MEIKIN: variants seen among roughly 807,000 people sequenced by gnomAD.
The protein encoded by MEIKIN is meiotic kinetochore factor, also known as meiosis-specific kinetochore protein.
At position 131,828,121 on chromosome 5, in the gene MEIKIN, A is replaced by C. The variant is rs182409899; in HGVS notation, c.976-9258T>G. On this transcript the variant is annotated intron_variant, in intron 11 of 12. Transcript: ENST00000442687. ...AGAGAACAAAAAAGAGCTCCTATAC[A>C]TTAAAAATATTATTGCATAGTACAA... Among the ~76,000 whole-genome samples, 158 of 152,260 alleles carry C rather than the reference A, an allele frequency of 1.0e-3. 1 individual carries two copies. The highest frequency in any genetic ancestry group is 3.6e-3 in the African/African-American group (151 of 41,550).
At chr5:131,914,115 T>C (rs1751372261) in intron 7 of MEIKIN, among the ~76,000 whole-genome samples, 1 of 152,196 alleles carries the variant, frequency 6.6e-6, no homozygotes, top group African/African-American at 2.4e-5. Flanking sequence ...GTCCCTTTGC[T>C]ATGTGATGCC....
At chr5:131,874,526 C>T (rs914775591) in intron 9 of MEIKIN, among the ~76,000 whole-genome samples, 2 of 152,100 alleles carry the variant, frequency 1.3e-5, no homozygotes, top group Non-Finnish European at 2.9e-5. Context: ...CGAAAAAAGT[C>T]CAGGACCAGA....
intron 11 of MEIKIN, among the ~76,000 whole-genome samples, chr5:131,839,881 T>C (rs1215260561): frequency 6.6e-6 from 1 of 152,212 alleles, no homozygotes; most frequent in Non-Finnish European, 1.5e-5. Context: ...ATGGATTTGA[T>C]CCTGTCATCA....
chr5:131,940,378 C>T (rs1206602830), intron 4 of MEIKIN, among the ~76,000 whole-genome samples: 2 of 152,088 alleles, frequency 1.3e-5, no homozygotes, highest in African/African-American at 2.4e-5. Context: ...TTAGACTCCT[C>T]GGTTAAGTTT....
intron 11 of MEIKIN, among the ~76,000 whole-genome samples, chr5:131,848,002 C>T (rs140509401): frequency 2.8e-4 from 42 of 152,158 alleles, no homozygotes; most frequent in African/African-American, 9.4e-4. Flanking sequence ...CACAACATAA[C>T]CAAACTTACG....
chr5:131,871,070 G>C (rs1750483196), intron 9 of MEIKIN, among the ~76,000 whole-genome samples: 1 of 152,212 alleles, frequency 6.6e-6, no homozygotes, highest in Non-Finnish European at 1.5e-5. Context: ...CTCCCAGCAT[G>C]AGCGACGCAG....
At chr5:131,858,064 G>C (rs763324913) in intron 9 of MEIKIN, among the ~76,000 whole-genome samples, 1 of 152,192 alleles carries the variant, frequency 6.6e-6, no homozygotes, top group Non-Finnish European at 1.5e-5. Flanking sequence ...ACAGTGCTGT[G>C]GCCAGCAGAG....
At chr5:131,932,071 GA>G (rs1033167492) in intron 5 of MEIKIN, among the ~76,000 whole-genome samples, 1 of 152,104 alleles carries the variant, frequency 6.6e-6, no homozygotes, top group African/African-American at 2.4e-5. Flanking sequence ...CTCAGTTCCT[GA>G]GAAAATAATC....
At chr5:131,892,569 G>T (rs1028992812) in intron 8 of MEIKIN, among the ~76,000 whole-genome samples, 1 of 152,118 alleles carries the variant, frequency 6.6e-6, no homozygotes. Flanking sequence ...GCTCCATCAG[G>T]TCTTTTAAGG....
chr5:131,872,620 A>G (rs539926767), intron 9 of MEIKIN, among the ~76,000 whole-genome samples: 2 of 152,346 alleles, frequency 1.3e-5, no homozygotes, highest in East Asian at 1.9e-4. Flanking sequence ...AAGGCAGGCC[A>G]ACATTCACAT....
At position 131,923,931 on chromosome 5, in the gene MEIKIN, C is replaced by T. The variant is rs942424921; in HGVS notation, c.479-1990G>A. ...AGTGTTCTATAGCAGCTCTCTAGAG[C>T]TCACTCCTACATGTGTAAGTGAAAC... On this transcript the variant is annotated intron_variant, in intron 5 of 12. Coordinates refer to ENST00000442687, the MANE Select transcript of MEIKIN (RefSeq NM_001303622.2). Among the ~76,000 whole-genome samples the T allele has an allele frequency of 2.6e-5, 4 of 152,134 alleles. No individual in the cohort carries two copies. In the East Asian group the frequency reaches 7.7e-4, roughly 29 times the overall value.
intron 8 of MEIKIN, among the ~76,000 whole-genome samples, chr5:131,901,183 A>G (rs1414442535): frequency 2.6e-5 from 4 of 152,106 alleles, no homozygotes; most frequent in Non-Finnish European, 5.9e-5. Context: ...GCACGCACAG[A>G]TGGCGTCAGT....
chr5:131,879,043 C>T lies in MEIKIN; in HGVS notation c.709G>A (p.Ala237Thr). The T allele has an allele frequency of 2.5e-6, 1 of 398,504 alleles. No individual in the cohort carries two copies. Among genetic ancestry groups the T allele is most frequent in the Non-Finnish European group, 4.4e-6 (1 of 225,824 alleles). 24.7% of individuals were successfully genotyped at this position (398,504 alleles called of 1,614,324 possible). The change falls in exon 9 of 13, where the codon GCA (alanine) becomes ACA (threonine). Residue 237 changes from alanine to threonine, a missense_variant. Transcript: ENST00000442687. The stretch of plus-strand genomic sequence containing the variant: ...TCAGCAAGTAAAATCTCACAAGCTG[C>T]ATTATCTATAAATAAAAACATAGTT... ...KCASNSESDN[A>T]ACEILLAEKT...
chr5:131,875,733 G>A (rs967851416), intron 9 of MEIKIN, among the ~76,000 whole-genome samples: 1 of 152,138 alleles, frequency 6.6e-6, no homozygotes, highest in African/African-American at 2.4e-5. Flanking sequence ...CATGCTACCT[G>A]ATTTCAAACT....
At position 131,919,861 on chromosome 5, in the gene MEIKIN, G is replaced by A. The variant is rs115460704; in HGVS notation, c.598+1961C>T. Among the ~76,000 whole-genome samples, 233 of 152,192 alleles carry A rather than the reference G, an allele frequency of 1.5e-3. 1 individual carries two copies. The highest frequency in any genetic ancestry group is 5.4e-3 in the African/African-American group (224 of 41,534). ...TGAGAATAACTTTTTATATAGCTAT[G>A]ACTCTTAAAACCATAGTAATATTTC... On this transcript the variant is annotated intron_variant, in intron 6 of 12. Coordinates refer to ENST00000442687, the MANE Select transcript of MEIKIN (RefSeq NM_001303622.2).
chr5:131,893,558 C>T (rs991979056), intron 8 of MEIKIN, among the ~76,000 whole-genome samples: 2 of 152,192 alleles, frequency 1.3e-5, no homozygotes, highest in Non-Finnish European at 2.9e-5. Context: ...CGATGCCTCG[C>T]CCTGCTTCAG....
chr5:131,891,753 T>C (rs1750924036), intron 8 of MEIKIN, among the ~76,000 whole-genome samples: 1 of 152,246 alleles, frequency 6.6e-6, no homozygotes, highest in African/African-American at 2.4e-5. Context: ...TTTGATCCTG[T>C]CATTATGATG....
At chr5:131,892,314 C>A (rs977060171) in intron 8 of MEIKIN, among the ~76,000 whole-genome samples, 3 of 152,176 alleles carry the variant, frequency 2.0e-5, no homozygotes, top group Non-Finnish European at 4.4e-5. Context: ...AGAGTGTTTT[C>A]CAGCTTGGTT....
chr5:131,846,653 T>C (rs1750027669), intron 11 of MEIKIN, among the ~76,000 whole-genome samples: 2 of 152,140 alleles, frequency 1.3e-5, no homozygotes, highest in Non-Finnish European at 2.9e-5. Flanking sequence ...AAACCCTGTC[T>C]CTACAAAAAA....
Sources: allele counts gnomAD v4.1 joint callset (sites outside exome capture counted in the v4.1 genomes callset), GRCh38; gene constraint gnomAD v4.1.1; transcripts MANE v1.5; gene names NCBI Gene and HGNC (gene_info 2026-07-23, HGNC 2026-07-21).